The following GRM7 variants were observed in gnomAD, a reference collection of about 807,000 sequenced individuals.
The protein encoded by GRM7 is glutamate metabotropic receptor 7.
Under a neutral mutation model 84.5 loss-of-function variants are expected in GRM7, and 35 were observed. That is an observed-to-expected ratio of 0.41 (90% CI 0.32 to 0.55). GRM7 has a LOEUF of 0.55. Among genes scored for constraint, GRM7 ranks in the 20% least tolerant of loss-of-function variants. The pLI is 0.19. For missense variants in GRM7, 1,003 were observed against 1,194.6 expected, an observed-to-expected ratio of 0.84 and a Z score of 2.36; for synonymous variants, 487 against 455.1, an observed-to-expected ratio of 1.07 and a Z score of -0.89.
chr3:6,882,537 C>A (rs937333666), intron 1 of GRM7, among the ~76,000 whole-genome samples: 2 of 151,488 alleles, frequency 1.3e-5, no homozygotes, highest in Non-Finnish European at 2.9e-5. Context: ...CACAGCAAGA[C>A]CTTGTTTCCC....
chr3:7,062,555 C>T (rs1697466134), intron 1 of GRM7, among the ~76,000 whole-genome samples: 1 of 151,618 alleles, frequency 6.6e-6, no homozygotes, highest in Admixed American at 6.6e-5. Flanking sequence ...CTCCAATCAC[C>T]CCCAGGGAGT....
At chr3:6,927,163 C>T (rs537279599) in intron 1 of GRM7, among the ~76,000 whole-genome samples, 23 of 152,106 alleles carry the variant, frequency 1.5e-4, no homozygotes, top group Non-Finnish European at 3.1e-4. Flanking sequence ...CATGGTGGCT[C>T]ATTCCTGTAA....
At chr3:7,042,791 A>T (rs183569054) in intron 1 of GRM7, among the ~76,000 whole-genome samples, 1 of 152,184 alleles carries the variant, frequency 6.6e-6, no homozygotes, top group Admixed American at 6.5e-5. Flanking sequence ...ATTCATTTCA[A>T]TTGATTTATT....
Position 7,741,368 on chromosome 3 carries a change from A to G in GRM7, c.*962A>G, listed in dbSNP as rs1702691038. 1 of 152,536 alleles carries G rather than the reference A, an allele frequency of 6.6e-6. No homozygotes were observed. Among genetic ancestry groups the G allele is most frequent in the Admixed American group, 6.5e-5 (1 of 15,274 alleles). The allele number at this position is 152,536 out of a possible 1,614,324, so 9.4% of individuals were successfully genotyped here. ...AAGGACTTTAGGAAAAAAAGCATGTATGTTTTTTACTGTTTGTAATAAGTA... is the reference window on the plus strand; with the variant it reads ...AAGGACTTTAGGAAAAAAAGCATGTGTGTTTTTTACTGTTTGTAATAAGTA... On this transcript the variant is annotated 3_prime_UTR_variant, in exon 10 of 10. Transcript: ENST00000357716.
chr3:7,461,322 G>C (rs1301934429), intron 6 of GRM7, among the ~76,000 whole-genome samples: 2 of 152,014 alleles, frequency 1.3e-5, no homozygotes, highest in Non-Finnish European at 2.9e-5. Context: ...GAAAATACTA[G>C]AATAAAATTT....
At chr3:7,300,301 G>A (rs548358119) in intron 3 of GRM7, among the ~76,000 whole-genome samples, 1 of 152,280 alleles carries the variant, frequency 6.6e-6, no homozygotes, top group South Asian at 2.1e-4. Context: ...CTCTTTCCCT[G>A]CTTTGTGTAT....
chr3:7,593,337 C>T (rs1480761796), intron 8 of GRM7, among the ~76,000 whole-genome samples: 5 of 152,128 alleles, frequency 3.3e-5, no homozygotes, highest in African/African-American at 1.2e-4. Context: ...ATTCATCCCA[C>T]TAATGTCTAC....
At chr3:7,659,752 A>G (rs1699353032) in intron 8 of GRM7, among the ~76,000 whole-genome samples, 1 of 152,196 alleles carries the variant, frequency 6.6e-6, no homozygotes, top group Non-Finnish European at 1.5e-5. Context: ...AGATAGGAAG[A>G]GAGTGTGGAT....
chr3:7,707,123 C>T (rs1257552114), intron 9 of GRM7, among the ~76,000 whole-genome samples: 3 of 152,144 alleles, frequency 2.0e-5, no homozygotes, highest in African/African-American at 7.2e-5. Context: ...ACTGAGGTTA[C>T]ATTCTACCTT....
intron 8 of GRM7, among the ~76,000 whole-genome samples, chr3:7,638,879 T>C (rs1872394): frequency 0.72 from 108,823 of 152,114 alleles, 39,336 homozygotes; most frequent in South Asian, 0.83. Context: ...AGAGAGCTAA[T>C]GATTTGGCAG....
intron 8 of GRM7, among the ~76,000 whole-genome samples, chr3:7,630,535 C>A (rs558921747): frequency 6.6e-6 from 1 of 152,240 alleles, no homozygotes; most frequent in South Asian, 2.1e-4. Flanking sequence ...CTGCTACTAC[C>A]CCAAAAGGTT....
intron 7 of GRM7, among the ~76,000 whole-genome samples, chr3:7,567,395 A>G (rs1694336394): frequency 6.6e-6 from 1 of 152,170 alleles, no homozygotes; most frequent in Non-Finnish European, 1.5e-5. Flanking sequence ...TGATTTGCAT[A>G]GAAAGTAAGA....
intron 5 of GRM7, among the ~76,000 whole-genome samples, chr3:7,447,112 G>C (rs1306453826): frequency 1.3e-5 from 2 of 152,116 alleles, no homozygotes; most frequent in African/African-American, 4.8e-5. Flanking sequence ...TTGCATACTA[G>C]AGAGGTAAAA....
chr3:7,099,368 A>C (rs1009324184), intron 1 of GRM7, among the ~76,000 whole-genome samples: 1 of 147,260 alleles, frequency 6.8e-6, no homozygotes, highest in African/African-American at 2.5e-5. Flanking sequence ...ACATGTATAC[A>C]TATATACATA....
chr3:6,891,680 T>G (rs935955984), intron 1 of GRM7, among the ~76,000 whole-genome samples: 4 of 152,226 alleles, frequency 2.6e-5, no homozygotes, highest in African/African-American at 4.8e-5. Context: ...TTCCTTCATT[T>G]CAACTTTGGC....
At chr3:7,076,658 A>C (rs981612912) in intron 1 of GRM7, among the ~76,000 whole-genome samples, 3 of 152,142 alleles carry the variant, frequency 2.0e-5, no homozygotes, top group Non-Finnish European at 4.4e-5. Context: ...GGAGCGCTGT[A>C]AACACTCCTT....
At chr3:6,885,027 G>A (rs377464894) in intron 1 of GRM7, among the ~76,000 whole-genome samples, 18 of 152,214 alleles carry the variant, frequency 1.2e-4, no homozygotes, top group African/African-American at 2.9e-4. Context: ...TGGAAAATTT[G>A]CATTAATGAA....
intron 1 of GRM7, among the ~76,000 whole-genome samples, chr3:7,011,486 CAGG>C (rs1695366448): frequency 1.3e-5 from 2 of 152,314 alleles, no homozygotes; most frequent in South Asian, 4.1e-4. Flanking sequence ...ATCTTACCAT[CAGG>C]AGGTGATTGT....
intron 2 of GRM7, among the ~76,000 whole-genome samples, chr3:7,216,435 C>T (rs968306473): frequency 2.6e-5 from 4 of 152,118 alleles, no homozygotes; most frequent in African/African-American, 9.7e-5. Flanking sequence ...TTATAATTCT[C>T]ATTTCCTCAA....
Sources: allele counts gnomAD v4.1 joint callset (sites outside exome capture counted in the v4.1 genomes callset), GRCh38; gene constraint gnomAD v4.1.1; transcripts MANE v1.5; gene names NCBI Gene and HGNC (gene_info 2026-07-23, HGNC 2026-07-21).